PARN: variants seen among roughly 807,000 people sequenced by gnomAD.
PARN encodes poly(A)-specific ribonuclease.
PARN carries 71 observed loss-of-function variants against 102.8 expected under a neutral mutation model. The observed-to-expected ratio is 0.69, with a 90% CI of 0.57 to 0.84. The LOEUF (loss-of-function observed/expected upper bound fraction) is 0.84. Among genes scored for constraint, PARN ranks in the 40% least tolerant of loss-of-function variants. The pLI, the probability that PARN is intolerant of heterozygous loss-of-function variation, is 0.00. For synonymous variants in PARN, 261 were observed against 252.9 expected (o/e 1.03, Z -0.30); for missense variants, 782 against 760.9 (o/e 1.03, Z -0.33).
At chr16:14,573,222 T>C (rs998178578) in intron 18 of PARN, among the ~76,000 whole-genome samples, 8 of 152,228 alleles carry the variant, frequency 5.3e-5, no homozygotes, top group Non-Finnish European at 8.8e-5. Flanking sequence ...ATTGTATATA[T>C]TGATATGTAC....
Position 14,630,200 on chromosome 16 carries a change from G to A in PARN, c.-75C>T, listed in dbSNP as rs562752319. On this transcript the variant is annotated 5_prime_UTR_variant, in exon 1 of 24. Coordinates refer to ENST00000437198, the MANE Select transcript of PARN (RefSeq NM_002582.4). ...AGCGGTTCTACTCGCCGAATTCCGC[G>A]GCGACTGCGGCAGTAGCTGAGGCAG... The A allele has an allele frequency of 3.0e-6, 4 of 1,335,018 alleles. No homozygotes were observed. Among genetic ancestry groups the A allele is most frequent in the African/African-American group, 3.0e-5 (2 of 67,516 alleles). The allele number at this position is 1,335,018 out of a possible 1,614,324, so 82.7% of individuals were successfully genotyped here. A position where few individuals can be genotyped will look rare whatever the true frequency, so the allele number is the denominator to read the frequency against.
At chr16:14,610,134 T>C (rs1971438501) in intron 7 of PARN, among the ~76,000 whole-genome samples, 1 of 152,190 alleles carries the variant, frequency 6.6e-6, no homozygotes, top group African/African-American at 2.4e-5. Flanking sequence ...CAAGTCCAAG[T>C]ACAATACATG....
chr16:14,620,069 C>CAA lies in PARN; in HGVS notation c.328-2421_328-2420dup, dbSNP rs1167781322. ...TGGGTGACAGAGCAAGACTCTGTCT[C>CAA]AAAAAAAAAAAAAAAAAAAAAACAC... On this transcript the variant is annotated intron_variant, in intron 5 of 23. Coordinates refer to ENST00000437198, the MANE Select transcript of PARN (RefSeq NM_002582.4). Among the ~76,000 whole-genome samples, 213 of 47,132 alleles carry CAA rather than the reference C, an allele frequency of 4.5e-3. 2 individuals are homozygous for CAA. Among genetic ancestry groups the CAA allele is most frequent in the East Asian group, 5.6e-3 (8 of 1,418 alleles). The allele number at this position is 47,132 out of a possible 152,430, so 30.9% of individuals were successfully genotyped here. A position where few individuals can be genotyped will look rare whatever the true frequency, so the allele number is the denominator to read the frequency against.
chr16:14,531,379 G>A (rs555800657), intron 21 of PARN, among the ~76,000 whole-genome samples: 1 of 151,662 alleles, frequency 6.6e-6, no homozygotes, highest in East Asian at 1.9e-4. Flanking sequence ...AAAAACAGAT[G>A]AATCCATCTA....
chr16:14,506,433 G>A (rs933801800), intron 21 of PARN, among the ~76,000 whole-genome samples: 1 of 152,112 alleles, frequency 6.6e-6, no homozygotes, highest in African/African-American at 2.4e-5. Context: ...TCATATCAGT[G>A]TTAAATTTCC....
chr16:14,487,431 T>C (rs907910765), intron 21 of PARN, among the ~76,000 whole-genome samples: 3 of 152,236 alleles, frequency 2.0e-5, no homozygotes, highest in African/African-American at 7.2e-5. Flanking sequence ...TAAAGAACTT[T>C]CCACTACTGT....
chr16:14,629,304 G>C (rs1298928793), intron 2 of PARN, among the ~76,000 whole-genome samples: 1 of 152,136 alleles, frequency 6.6e-6, no homozygotes, highest in African/African-American at 2.4e-5. Context: ...AAAAAAAACA[G>C]TCTGACCCTA....
intron 21 of PARN, among the ~76,000 whole-genome samples, chr16:14,540,406 C>T (rs149429583): frequency 1.4e-3 from 211 of 152,208 alleles, no homozygotes; most frequent in Non-Finnish European, 2.6e-3. Context: ...CTACAAAAGG[C>T]ACCAAAGGTA....
In PARN at chr16:14,615,725, A is replaced by AC. The variant is rs1971852487; in HGVS notation, c.388+1864dup. 3.3e-5 allele frequency among the ~76,000 whole-genome samples: 5 copies of AC among 152,206 alleles called. No individual in the cohort carries two copies. The South Asian group carries it at 1.0e-3, about 32-fold the overall frequency. ...AGACCAGCCCAGCCAACATAGTGAA[A>AC]CCCCATCGCTACTAAAAATACAAAA... On this transcript the variant is annotated intron_variant, in intron 6 of 23. Coordinates refer to ENST00000437198, the MANE Select transcript of PARN (RefSeq NM_002582.4).
chr16:14,518,959 G>A (rs941221753), intron 21 of PARN, among the ~76,000 whole-genome samples: 1 of 152,178 alleles, frequency 6.6e-6, no homozygotes, highest in African/African-American at 2.4e-5. Flanking sequence ...CACTAAGGTG[G>A]AAAGAACTGC....
intron 21 of PARN, among the ~76,000 whole-genome samples, chr16:14,521,114 T>G (rs1481888341): frequency 1.3e-5 from 2 of 152,360 alleles, no homozygotes; most frequent in South Asian, 2.1e-4. Context: ...CATTTTCACT[T>G]TCACTGCTTT....
At chr16:14,570,329 A>G (rs1403825075) in intron 18 of PARN, among the ~76,000 whole-genome samples, 1 of 149,176 alleles carries the variant, frequency 6.7e-6, no homozygotes, top group African/African-American at 2.5e-5. Flanking sequence ...CTCAAAAAAA[A>G]AAAAAAAAAA....
At chr16:14,614,208 G>C (rs1006045021) in intron 6 of PARN, among the ~76,000 whole-genome samples, 1 of 151,880 alleles carries the variant, frequency 6.6e-6, no homozygotes, top group Non-Finnish European at 1.5e-5. Flanking sequence ...AGTGAGTCAT[G>C]AATGTGCCAG....
At position 14,562,284 on chromosome 16, in the gene PARN, G is replaced by T. The variant is rs563950391; in HGVS notation, c.1263-6575C>A. Among the ~76,000 whole-genome samples, 5 of 151,674 alleles carry T rather than the reference G, an allele frequency of 3.3e-5. No individual in the cohort carries two copies. In the East Asian group the frequency reaches 9.7e-4, roughly 29 times the overall value. On this transcript the variant is annotated intron_variant, in intron 18 of 23. Transcript: ENST00000437198. ...AGTTTGAAACCAGCCTGGGCAACAT[G>T]ACTGCTACAAAGAAATACAGAAAAT... is the stretch of plus-strand genomic sequence containing the variant.
chr16:14,478,971 G>C (rs1339122572), intron 22 of PARN, among the ~76,000 whole-genome samples: 1 of 152,128 alleles, frequency 6.6e-6, no homozygotes, highest in East Asian at 1.9e-4. Flanking sequence ...TAGAGACAGT[G>C]TTTGGCCAGG....
At chr16:14,610,471 A>C (rs1971459315) in intron 7 of PARN, among the ~76,000 whole-genome samples, 173 bp downstream of exon 7, 1 of 98,646 alleles carries the variant, frequency 1.0e-5, no homozygotes, top group Non-Finnish European at 2.7e-5. Flanking sequence ...AGACTGTCTC[A>C]AAAAAAAAAA....
At position 14,602,656 on chromosome 16, in the gene PARN, C is replaced by A. The variant is rs150720776; in HGVS notation, c.783+1490G>T. Among the ~76,000 whole-genome samples, 3 of 152,248 alleles carry A rather than the reference C, an allele frequency of 2.0e-5. No individual in the cohort carries two copies. In the East Asian group the frequency reaches 5.8e-4, roughly 29 times the overall value. ...GTCTTGGCCACAGACTCATCTGCGT[C>A]TTGGCACAACACATCAGGAGGGAAG... On this transcript the variant is annotated intron_variant, in intron 11 of 23. Transcript: ENST00000437198.
chr16:14,520,392 T>C (rs1965675950), intron 21 of PARN, among the ~76,000 whole-genome samples: 1 of 152,210 alleles, frequency 6.6e-6, no homozygotes, highest in African/African-American at 2.4e-5. Context: ...ATTAATGATT[T>C]ATTTTTTAGG....
At chr16:14,523,321 T>A (rs2151655621) in intron 21 of PARN, among the ~76,000 whole-genome samples, 1 of 151,754 alleles carries the variant, frequency 6.6e-6, no homozygotes, top group South Asian at 2.1e-4. Flanking sequence ...CAAAAATAAT[T>A]AGTAAATATA....
Sources: gnomAD v4.1 joint callset for allele counts (sites outside exome capture counted in the v4.1 genomes callset) on GRCh38, gnomAD v4.1.1 for gene constraint, MANE v1.5 for transcripts, NCBI Gene and HGNC (gene_info 2026-07-23, HGNC 2026-07-21) for gene names.